Variants in ARB2A observed in about 807,000 individuals in gnomAD.
The protein encoded by ARB2A is ARB2 cotranscriptional regulator A.
chr5:93,881,733 C>T, the ARB2A span: 1 of 1,328,356 alleles, frequency 7.5e-7, no homozygotes, highest in Non-Finnish European at 9.9e-7. Flanking sequence ...ATCTTATAAT[C>T]CATTTCAATT....
chr5:94,037,576 A>G, the ARB2A span, among the ~76,000 whole-genome samples: 1 of 152,196 alleles, frequency 6.6e-6, no homozygotes, highest in African/African-American at 2.4e-5. Flanking sequence ...ATTATTCTTC[A>G]CAACAGAATA....
chr5:93,996,975 C>T, the ARB2A span, among the ~76,000 whole-genome samples: 75 of 151,958 alleles, frequency 4.9e-4, 1 homozygote, highest in African/African-American at 1.8e-3. Flanking sequence ...AGCCATTGAT[C>T]GAGGAATTAG....
chr5:93,741,455 T>A, the ARB2A span: 5 of 1,613,322 alleles, frequency 3.1e-6, no homozygotes, highest in Non-Finnish European at 4.2e-6. Flanking sequence ...GCCGCCTGGG[T>A]GCTCAACCAG....
At chr5:93,944,881 C>T in the ARB2A span, among the ~76,000 whole-genome samples, 28 of 151,968 alleles carry the variant, frequency 1.8e-4, no homozygotes, top group Non-Finnish European at 3.4e-4. Context: ...AACTTAAGTG[C>T]CTCCAGAAGG....
At chr5:93,669,019 AACTTTCTAAAGT>A in the ARB2A span, among the ~76,000 whole-genome samples, 1 of 152,222 alleles carries the variant, frequency 6.6e-6, no homozygotes, top group Non-Finnish European at 1.5e-5. Flanking sequence ...ATGACTTTGG[AACTTTCTAAAGT>A]ACTTTCTAAA....
the ARB2A span, among the ~76,000 whole-genome samples, chr5:94,029,678 T>C: frequency 6.6e-6 from 1 of 152,148 alleles, no homozygotes; most frequent in African/African-American, 2.4e-5. Flanking sequence ...TAAATCTCTG[T>C]TGTAAGGTAT....
the ARB2A span, among the ~76,000 whole-genome samples, chr5:94,004,728 A>G: frequency 1.3e-5 from 2 of 152,012 alleles, no homozygotes; most frequent in African/African-American, 4.8e-5. Flanking sequence ...TGAATTAGCA[A>G]ATACTGAAAT....
At chr5:94,068,507 A>G in the ARB2A span, among the ~76,000 whole-genome samples, 1 of 152,142 alleles carries the variant, frequency 6.6e-6, no homozygotes, top group African/African-American at 2.4e-5. Context: ...GCTCCCATAA[A>G]ATGGGAGGGG....
At chr5:93,828,750 TC>T in the ARB2A span, among the ~76,000 whole-genome samples, 1 of 152,128 alleles carries the variant, frequency 6.6e-6, no homozygotes, top group African/African-American at 2.4e-5. Context: ...TTCTCACTGT[TC>T]CCAGAATTAA....
At chr5:94,008,653 T>C in the ARB2A span, among the ~76,000 whole-genome samples, 1 of 152,184 alleles carries the variant, frequency 6.6e-6, no homozygotes, top group Non-Finnish European at 1.5e-5. Flanking sequence ...AATTTGTGGC[T>C]AATAATAATT....
the ARB2A span, among the ~76,000 whole-genome samples, chr5:93,928,730 T>C: frequency 3.3e-5 from 5 of 152,244 alleles, no homozygotes; most frequent in Admixed American, 2.6e-4. Context: ...ATTTTAATAA[T>C]AGGACAAGAA....
At chr5:93,661,117 T>C in the ARB2A span, among the ~76,000 whole-genome samples, 1 of 152,128 alleles carries the variant, frequency 6.6e-6, no homozygotes, top group Non-Finnish European at 1.5e-5. Context: ...GGGAAAGACA[T>C]GGCCCCTGTT....
chr5:93,731,674 A>C, the ARB2A span, among the ~76,000 whole-genome samples: 2 of 152,332 alleles, frequency 1.3e-5, no homozygotes, highest in African/African-American at 4.8e-5. Context: ...AAAATAATGA[A>C]TCAACCCATT....
the ARB2A span, among the ~76,000 whole-genome samples, chr5:93,664,009 A>G: frequency 6.6e-6 from 1 of 151,968 alleles, no homozygotes; most frequent in Non-Finnish European, 1.5e-5. Context: ...ATGTATCAAT[A>G]GTGTTCTGAT....
the ARB2A span, among the ~76,000 whole-genome samples, chr5:93,891,645 A>C: frequency 6.6e-6 from 1 of 152,248 alleles, no homozygotes; most frequent in South Asian, 2.1e-4. Context: ...AAACCTCAGA[A>C]ACTACCAAGC....
the ARB2A span, among the ~76,000 whole-genome samples, chr5:93,994,604 A>AT: frequency 1.3e-5 from 2 of 152,148 alleles, no homozygotes; most frequent in African/African-American, 4.8e-5. Flanking sequence ...TTATACACAG[A>AT]TTTTTTTCAA....
the ARB2A span, among the ~76,000 whole-genome samples, chr5:94,039,209 C>A: frequency 3.3e-5 from 5 of 151,996 alleles, no homozygotes; most frequent in Non-Finnish European, 7.4e-5. Context: ...GTGTTTGAAC[C>A]AAAGCAACTC....
chr5:93,798,883 G>A, the ARB2A span, among the ~76,000 whole-genome samples: 2 of 152,214 alleles, frequency 1.3e-5, no homozygotes, highest in South Asian at 4.1e-4. Flanking sequence ...TTACTTTTAT[G>A]TAAGTCTTGG....
the ARB2A span, among the ~76,000 whole-genome samples, chr5:93,663,879 A>G: frequency 6.6e-6 from 1 of 152,214 alleles, no homozygotes. Flanking sequence ...GTTTCTAAAT[A>G]TAATTTCTTC....
Sources: gnomAD v4.1 joint callset for allele counts (sites outside exome capture counted in the v4.1 genomes callset) on GRCh38, gnomAD v4.1.1 for gene constraint, MANE v1.5 for transcripts, NCBI Gene and HGNC (gene_info 2026-07-23, HGNC 2026-07-21) for gene names.